SPTBN2: variants seen among roughly 807,000 people sequenced by gnomAD.
SPTBN2 encodes the protein spectrin beta chain, non-erythrocytic 2.
SPTBN2 carries 107 observed loss-of-function variants against 284.2 expected under a neutral mutation model. The observed-to-expected ratio is 0.38, with a 90% CI of 0.32 to 0.44. The LOEUF (loss-of-function observed/expected upper bound fraction) is 0.44, where lower values mean the gene tolerates loss of function less well. Among genes scored for constraint, SPTBN2 ranks in the 20% least tolerant of loss-of-function variants. The pLI, the probability that SPTBN2 is intolerant of heterozygous loss-of-function variation, is 1.00. For missense variants in SPTBN2, 2,569 were observed against 3,287.1 expected (o/e 0.78, Z 5.34); for synonymous variants, 1,289 against 1,354.8 (o/e 0.95, Z 1.07).
intron 8 of SPTBN2, among the ~76,000 whole-genome samples, chr11:66,711,694 A>G (rs114622846): frequency 0.012 from 1,880 of 152,320 alleles, 39 homozygotes; most frequent in African/African-American, 0.043. Flanking sequence ...AGGTAAGACT[A>G]TGAGACCAGA....
chr11:66,730,557 G>T (rs1942793163), upstream of SPTBN2, among the ~76,000 whole-genome samples: 1 of 149,270 alleles, frequency 6.7e-6, no homozygotes, highest in East Asian at 2.0e-4. Context: ...TTCAGCCTGG[G>T]CAACAAGAAC....
chr11:66,708,104 T>C lies in SPTBN2; in HGVS notation c.1350+37A>G. 6.2e-7 allele frequency: 1 copy of C among 1,612,714 alleles called. No individual in the cohort carries two copies. The highest frequency in any genetic ancestry group is 8.5e-7 in the Non-Finnish European group (1 of 1,179,644). On this transcript the variant is annotated intron_variant, in intron 12 of 37. Coordinates refer to ENST00000533211, the MANE Select transcript of SPTBN2 (RefSeq NM_006946.4). The surrounding 1 kb of genome is among the most constrained non-coding windows in gnomAD (Gnocchi z 4.4). ...ATCCACCCTGTCTCTCTCCCAGTTC[T>C]GACCAGCCTAAGCATCCTAGGAGCC...
intron 3 of SPTBN2, among the ~76,000 whole-genome samples, chr11:66,716,636 G>A (rs946005616): frequency 9.9e-5 from 15 of 152,200 alleles, no homozygotes; most frequent in Admixed American, 9.2e-4. Context: ...ATTCATCAGA[G>A]CCCCAATGTC....
Position 66,704,829 on chromosome 11 carries a change from G to C in SPTBN2, c.2447C>G (p.Thr816Arg). The C allele has an allele frequency of 1.9e-6, 3 of 1,607,514 alleles. No individual in the cohort carries two copies. The highest frequency in any genetic ancestry group is 1.3e-5 in the African/African-American group (1 of 75,048). ...CTGCACCTCGGGCGTGCGGCTCAGT[G>C]TGGGGGGCAGGGCTGCTGCCTGTTC... ...LREQAAALPP[T>R]LSRTPEVQSR... Residue 816 changes from threonine to arginine, a missense_variant, in exon 15 of 38, where the codon ACA becomes AGA. Around this residue, in one of 6 missense-constraint regions of SPTBN2, gnomAD observed 1,012 missense variants for 1,248.9 expected, o/e 0.81. Transcript: ENST00000533211.
chr11:66,727,848 C>A (rs912877451), intron 1 of SPTBN2: 1 of 150,636 alleles, frequency 6.6e-6, no homozygotes, highest in Non-Finnish European at 1.5e-5. Context: ...ACGCGAGGGG[C>A]CGGCGCTGTC....
intron 29 of SPTBN2, 95 bp from the exon 30 acceptor site, chr11:66,689,275 CTT>C: frequency 7.5e-7 from 1 of 1,334,932 alleles, no homozygotes; most frequent in East Asian, 2.5e-5. Context: ...TGATTTCTTT[CTT>C]TCTTTCTTTT....
chr11:66,721,324 C>A, intron 2 of SPTBN2, 26 bp downstream of exon 2: 1 of 1,569,868 alleles, frequency 6.4e-7, no homozygotes, highest in Admixed American at 1.7e-5. Context: ...CACTCACCAC[C>A]GGGGCCTTCT....
rs764048472 is a variant in SPTBN2, at chr11:66,715,343, T to C, written c.362A>G (p.Lys121Arg). ...MRIHCLENVD[K>R]ALQFLKEQKV... ...CTGCTCCTTGAGGAACTGCAGTGCC[T>C]TGTCCACGTTCTCCAGGCAGTGGAT... The change falls in exon 5 of 38, where the codon AAG (lysine) becomes AGG (arginine). Residue 121 changes from lysine (K) to arginine (R), a missense_variant. Coordinates refer to ENST00000533211, the MANE Select transcript of SPTBN2 (RefSeq NM_006946.4). This position sits in a 1 kb window ranked among gnomAD's most constrained non-coding sequence, Gnocchi z 5.3. The C allele has an allele frequency of 3.1e-6, 5 of 1,614,212 alleles. No homozygotes were observed. In the Admixed American group the frequency reaches 8.3e-5, roughly 27 times the overall value.
Position 66,698,148 on chromosome 11 carries a change from C to T in SPTBN2, c.4014+491G>A, listed in dbSNP as rs191935828. 5.9e-5 allele frequency among the ~76,000 whole-genome samples: 9 copies of T among 152,314 alleles called. No individual in the cohort carries two copies. The East Asian group carries it at 7.7e-4, about 13-fold the overall frequency. ...GGATTGGCAGACTACATACAGCCCA[C>T]GGGGTAATCTGGCCCACTGCCTGTT... is the stretch of plus-strand genomic sequence containing the variant. On this transcript the variant is annotated intron_variant, in intron 20 of 37. Coordinates refer to ENST00000533211, the MANE Select transcript of SPTBN2 (RefSeq NM_006946.4).
At chr11:66,692,459 G>A in intron 26 of SPTBN2, 77 bp downstream of exon 26, 1 of 1,551,466 alleles carries the variant, frequency 6.4e-7, no homozygotes, top group Non-Finnish European at 8.8e-7. Context: ...CTCTGCCTGG[G>A]ACTAGGTCCT....
chr11:66,703,779 T>C (rs1305255581), intron 15 of SPTBN2, among the ~76,000 whole-genome samples: 3 of 151,952 alleles, frequency 2.0e-5, no homozygotes, highest in Non-Finnish European at 1.5e-5. Flanking sequence ...GTGATAATGG[T>C]ATTGTGGTTC....
intron 31 of SPTBN2, 103 bp downstream of exon 31, chr11:66,688,550 A>G: frequency 6.6e-7 from 1 of 1,511,788 alleles, no homozygotes; most frequent in Non-Finnish European, 9.0e-7. Flanking sequence ...TCTGGGGGCC[A>G]CTGGTGCAGT....
chr11:66,743,570 A>T (rs1266160271), intron 1 of SPTBN2, among the ~76,000 whole-genome samples: 1 of 152,184 alleles, frequency 6.6e-6, no homozygotes, highest in Non-Finnish European at 1.5e-5. Flanking sequence ...TATAGGCTTA[A>T]GCCCCTGTCA....
At chr11:66,728,661 C>T (rs1352306989) in intron 1 of SPTBN2, 80 bp downstream of exon 1, 1 of 152,370 alleles carries the variant, frequency 6.6e-6, no homozygotes, top group Non-Finnish European at 1.5e-5. Context: ...CCCCCAAAAC[C>T]CCGCCTTCCC....
intron 1 of SPTBN2, among the ~76,000 whole-genome samples, chr11:66,724,423 G>GA (rs1012374960): frequency 6.0e-4 from 87 of 144,088 alleles, no homozygotes; most frequent in Admixed American, 1.4e-3. Context: ...ATTTGTCTCA[G>GA]AAAAAAAAAA....
intron 22 of SPTBN2, 121 bp downstream of exon 22, chr11:66,694,018 A>G: frequency 5.1e-6 from 7 of 1,370,246 alleles, no homozygotes; most frequent in Non-Finnish European, 6.1e-6. Flanking sequence ...TATAGGGGAG[A>G]TGGTCAATGC....
At chr11:66,719,123 C>T (rs920286900) in intron 3 of SPTBN2, among the ~76,000 whole-genome samples, 5 of 152,254 alleles carry the variant, frequency 3.3e-5, no homozygotes, top group African/African-American at 1.2e-4. Flanking sequence ...TGAGCCCCAG[C>T]TCAGAAACAG....
intron 15 of SPTBN2, 123 bp downstream of exon 15, chr11:66,704,475 T>G: frequency 1.7e-6 from 2 of 1,185,956 alleles, no homozygotes; most frequent in Non-Finnish European, 2.3e-6. Context: ...AAACTAGAAA[T>G]GGACAACCAT....
chr11:66,725,386 G>T (rs1590989366), intron 1 of SPTBN2, among the ~76,000 whole-genome samples: 1 of 152,284 alleles, frequency 6.6e-6, no homozygotes, highest in East Asian at 1.9e-4. Flanking sequence ...TGTGTCCCCT[G>T]CTGCCATCTC....
Sources: allele counts gnomAD v4.1 joint callset (sites outside exome capture counted in the v4.1 genomes callset), GRCh38; gene constraint gnomAD v4.1.1; regional missense constraint gnomAD v4.1.1; non-coding constraint Gnocchi (gnomAD v3.1); transcripts MANE v1.5; gene names NCBI Gene and HGNC (gene_info 2026-07-23, HGNC 2026-07-21).